The following EHBP1 variants were observed in gnomAD, a reference collection of about 807,000 sequenced individuals.
The protein encoded by EHBP1 is EH domain binding protein 1.
In EHBP1, 55 loss-of-function variants were observed where a neutral mutation model predicts 144.0. That is an observed-to-expected ratio of 0.38 (90% CI 0.31 to 0.48). The LOEUF (loss-of-function observed/expected upper bound fraction) is 0.48, where lower values mean the gene tolerates loss of function less well. Ranked by LOEUF, EHBP1 falls within the 20% of genes least tolerant of loss-of-function variation. The pLI is 0.98. For missense variants in EHBP1, 1,200 were observed against 1,364.2 expected (o/e 0.88, Z 1.90); for synonymous variants, 469 against 472.7 (o/e 0.99, Z 0.10).
chr2:62,951,212 T>A (rs2057360970), intron 13 of EHBP1, among the ~76,000 whole-genome samples: 1 of 152,164 alleles, frequency 6.6e-6, no homozygotes, highest in African/African-American at 2.4e-5. Context: ...ACAATATACG[T>A]ATAGGTAGAC....
chr2:62,845,087 T>C (rs2048195919), intron 7 of EHBP1, among the ~76,000 whole-genome samples: 1 of 151,548 alleles, frequency 6.6e-6, no homozygotes, highest in South Asian at 2.1e-4. Context: ...AAGAGCAGAT[T>C]ATCTTTTTTT....
In EHBP1 at chr2:62,985,058, C is replaced by T. The variant is rs141068323; in HGVS notation, c.2609-5658C>T. On this transcript the variant is annotated intron_variant, in intron 15 of 22. Transcript: ENST00000431489. ...ACTCTCCTCAGTATCCCTTCTCCCACAGCCCAACATCCAGTTGATTTCCAA... is the reference window on the plus strand; with the variant it reads ...ACTCTCCTCAGTATCCCTTCTCCCATAGCCCAACATCCAGTTGATTTCCAA... 1.0e-3 allele frequency among the ~76,000 whole-genome samples: 158 copies of T among 152,274 alleles called. 6 individuals carry two copies. The East Asian group carries it at 0.023, about 22-fold the overall frequency.
chr2:62,687,730 A>G (rs1267122298), intron 1 of EHBP1, among the ~76,000 whole-genome samples: 4 of 152,200 alleles, frequency 2.6e-5, no homozygotes, highest in Admixed American at 6.5e-5. Flanking sequence ...TACAAAGAAA[A>G]AAGATATTCC....
intron 10 of EHBP1, among the ~76,000 whole-genome samples, chr2:62,897,304 T>C (rs1231220949): frequency 1.3e-5 from 2 of 152,244 alleles, no homozygotes; most frequent in Admixed American, 1.3e-4. Context: ...CCTTATTCTG[T>C]GTACATCTCT....
chr2:62,758,167 G>T (rs1159915444), intron 3 of EHBP1, among the ~76,000 whole-genome samples: 1 of 152,152 alleles, frequency 6.6e-6, no homozygotes, highest in Non-Finnish European at 1.5e-5. Flanking sequence ...GGAGTGCAGT[G>T]GTGTGATCTC....
intron 10 of EHBP1, among the ~76,000 whole-genome samples, chr2:62,903,823 G>GT (rs1435821346): frequency 2.0e-5 from 3 of 151,976 alleles, no homozygotes; most frequent in African/African-American, 7.3e-5. Context: ...AACATATTGA[G>GT]TGAAAAGGTC....
chr2:62,948,078 C>CT (rs1558961636), intron 12 of EHBP1, among the ~76,000 whole-genome samples, 182 bp from the exon 13 acceptor site: 1 of 152,052 alleles, frequency 6.6e-6, no homozygotes, highest in African/African-American at 2.4e-5. Context: ...ATTTATTACA[C>CT]TTTTTTCTCT....
In EHBP1 at chr2:62,996,692, T is replaced by C; in HGVS notation, c.3029T>C (p.Leu1010Pro). Residue 1010 changes from leucine (L) to proline (P), a missense_variant, in exon 19 of 23, where the codon CTA becomes CCA. By Grantham distance (98) the Leu-to-Pro change is moderately conservative. Around this residue, in one of 6 missense-constraint regions of EHBP1, gnomAD observed 149 missense variants for 217.0 expected, o/e 0.69. Transcript: ENST00000431489. The part of the protein sequence containing the change: ...SQYVVGELAA[L>P]ENEQKQIDTR... ...TATGTAGTAGGAGAATTGGCAGCAC[T>C]AGAGAATGAGCAAAAGCAAATTGAC... 1 of 1,613,374 alleles carries C rather than the reference T, an allele frequency of 6.2e-7. No homozygotes were observed. The highest frequency in any genetic ancestry group is 8.5e-7 in the Non-Finnish European group (1 of 1,179,616).
intron 7 of EHBP1, among the ~76,000 whole-genome samples, chr2:62,839,732 T>C (rs1398944659): frequency 6.6e-6 from 1 of 152,118 alleles, no homozygotes; most frequent in Non-Finnish European, 1.5e-5. Flanking sequence ...TCAACTCCCA[T>C]TCACAATTGC....
chr2:62,861,883 T>G (rs1286458390), intron 8 of EHBP1, among the ~76,000 whole-genome samples: 1 of 152,206 alleles, frequency 6.6e-6, no homozygotes, highest in East Asian at 1.9e-4. Context: ...TTGGATTAAT[T>G]TTTGCAATCC....
intron 14 of EHBP1, among the ~76,000 whole-genome samples, chr2:62,967,567 T>A (rs2058304148): frequency 6.6e-6 from 1 of 152,230 alleles, no homozygotes; most frequent in Non-Finnish European, 1.5e-5. Context: ...GAAAAGGATG[T>A]GGTTTTCACT....
intron 2 of EHBP1, among the ~76,000 whole-genome samples, chr2:62,722,044 A>G (rs911177211): frequency 6.6e-6 from 1 of 152,158 alleles, no homozygotes; most frequent in East Asian, 1.9e-4. Context: ...TTTTGTATGT[A>G]ATTTTTTTCT....
At chr2:62,739,982 T>A (rs2038549802) in intron 2 of EHBP1, among the ~76,000 whole-genome samples, 2 of 151,442 alleles carry the variant, frequency 1.3e-5, no homozygotes. Context: ...TATACTGTTG[T>A]TAGTAAGATA....
At chr2:62,987,705 G>A (rs2059255163) in intron 15 of EHBP1, among the ~76,000 whole-genome samples, 1 of 152,066 alleles carries the variant, frequency 6.6e-6, no homozygotes, top group East Asian at 1.9e-4. Context: ...CAAAACCTTT[G>A]CATCTGCTTT....
intron 1 of EHBP1, among the ~76,000 whole-genome samples, chr2:62,685,353 T>G (rs1452265039): frequency 6.6e-6 from 1 of 152,182 alleles, no homozygotes; most frequent in Admixed American, 6.5e-5. Context: ...GATGGAGGTG[T>G]CAGCATTGTT....
At chr2:62,803,690 C>T (rs927706455) in intron 5 of EHBP1, among the ~76,000 whole-genome samples, 4 of 152,146 alleles carry the variant, frequency 2.6e-5, no homozygotes, top group African/African-American at 9.7e-5. Context: ...GTGTTCTATA[C>T]ATTGCTTGTT....
intron 13 of EHBP1, among the ~76,000 whole-genome samples, chr2:62,953,577 T>TA (rs904652076): frequency 6.7e-6 from 1 of 150,372 alleles, no homozygotes; most frequent in Non-Finnish European, 1.5e-5. Flanking sequence ...AATAAAATAA[T>TA]AAAAAAATTA....
chr2:63,043,837 A>G (rs1012881829), intron 21 of EHBP1: 2 of 141,134 alleles, frequency 1.4e-5, no homozygotes, highest in African/African-American at 5.4e-5. Context: ...GAAGAGAGAA[A>G]CCCAAAAGGA....
chr2:62,945,630 G>T (rs1309526655), intron 12 of EHBP1, among the ~76,000 whole-genome samples: 2 of 152,238 alleles, frequency 1.3e-5, no homozygotes, highest in East Asian at 3.9e-4. Flanking sequence ...TGCACCTGTA[G>T]TCCCAGCTAC....
Sources: allele counts gnomAD v4.1 joint callset (sites outside exome capture counted in the v4.1 genomes callset), GRCh38; gene constraint gnomAD v4.1.1; regional missense constraint gnomAD v4.1.1; transcripts MANE v1.5; gene names NCBI Gene and HGNC (gene_info 2026-07-23, HGNC 2026-07-21).